PCDHGA8: variants seen among roughly 807,000 people sequenced by gnomAD.
PCDHGA8 encodes the protein protocadherin gamma-A8.
Under a neutral mutation model 59.2 loss-of-function variants are expected in PCDHGA8, and 45 were observed. The ratio of observed to expected loss-of-function variants is 0.76; its 90% CI spans 0.60 to 0.98. The LOEUF (loss-of-function observed/expected upper bound fraction) is 0.98. PCDHGA8 is among the 50% of genes least tolerant of loss of function. PCDHGA8 has a pLI of 0.00. For missense variants in PCDHGA8, 1,257 were observed against 1,196.2 expected (o/e 1.05, Z -0.75); for synonymous variants, 531 against 519.0 (o/e 1.02, Z -0.32).
chr5:141,403,247 A>T, intron 1 of PCDHGA8: 1 of 1,613,910 alleles, frequency 6.2e-7, no homozygotes, highest in Middle Eastern at 1.6e-4. Flanking sequence ...CTGTGCTCAG[A>T]GCCCGCGGTG....
rs758205179 is a variant in PCDHGA8 at position 141,477,813 on chromosome 5, A to G, written c.2425-16994A>G. ...ACTGATCGCAATGACAATGCCCCCC[A>G]GGTCCTATATCCTCGGCCAGGTGGG... On this transcript the variant is annotated intron_variant, in intron 1 of 3. Transcript: ENST00000398604. This position sits in a 1 kb window ranked among gnomAD's most constrained non-coding sequence, Gnocchi z 4.9. The G allele has an allele frequency of 8.1e-6, 13 of 1,614,002 alleles. No homozygotes were observed. The East Asian group carries it at 2.7e-4, about 33-fold the overall frequency.
chr5:141,492,632 C>G (rs1359761285), intron 1 of PCDHGA8, among the ~76,000 whole-genome samples: 1 of 152,256 alleles, frequency 6.6e-6, no homozygotes, highest in Non-Finnish European at 1.5e-5. Flanking sequence ...CAGGACTCTA[C>G]GATCCTTGGG....
At chr5:141,459,375 C>T (rs973503237) in intron 1 of PCDHGA8, among the ~76,000 whole-genome samples, 2 of 152,194 alleles carry the variant, frequency 1.3e-5, no homozygotes, top group African/African-American at 4.8e-5. Flanking sequence ...GTATCAGCAG[C>T]GTGTTCCATT....
In PCDHGA8 at chr5:141,476,336, C is replaced by A; in HGVS notation, c.2425-18471C>A. 18 of 1,614,008 alleles carry A rather than the reference C, an allele frequency of 1.1e-5. No homozygotes were observed. Among genetic ancestry groups the A allele is most frequent in the Non-Finnish European group, 1.5e-5 (18 of 1,180,008 alleles). ...GTTCCGGGTGGTGTCTGGAGCTAGC[C>A]GAAGATTCTTTGAGGTGAACCGGGA... On this transcript the variant is annotated intron_variant, in intron 1 of 3. Coordinates refer to ENST00000398604, the MANE Select transcript of PCDHGA8 (RefSeq NM_032088.2). The surrounding 1 kb of genome is among the most constrained non-coding windows in gnomAD (Gnocchi z 7.6).
chr5:141,401,350 A>G (rs1046893336), intron 1 of PCDHGA8, among the ~76,000 whole-genome samples: 2 of 152,226 alleles, frequency 1.3e-5, no homozygotes, highest in Non-Finnish European at 2.9e-5. Flanking sequence ...CTCAAAAAAA[A>G]GGAAGGAGAA....
intron 1 of PCDHGA8, among the ~76,000 whole-genome samples, chr5:141,439,221 T>G (rs145700274): frequency 1.2e-3 from 182 of 151,852 alleles, no homozygotes; most frequent in African/African-American, 4.3e-3. Flanking sequence ...ATGTGAAAAT[T>G]CTTAGAAGCT....
At chr5:141,409,324 G>C (rs759596277) in intron 1 of PCDHGA8, 1 of 1,614,000 alleles carries the variant, frequency 6.2e-7, no homozygotes, top group East Asian at 2.2e-5. Context: ...CACGGGATCT[G>C]GATTTCGGAG....
In PCDHGA8 at chr5:141,486,649, C is replaced by G; in HGVS notation, c.2425-8158C>G. On this transcript the variant is annotated intron_variant, in intron 1 of 3. Transcript: ENST00000398604. This position sits in a 1 kb window ranked among gnomAD's most constrained non-coding sequence, Gnocchi z 5.0. The stretch of plus-strand genomic sequence containing the variant: ...CTGGCTTGAATGCGCTTATCTCCTA[C>G]TCACTCCTGGAGCCCAGGAATCGAG... The G allele has an allele frequency of 6.2e-7, 1 of 1,613,952 alleles. No individual in the cohort carries two copies. The highest frequency in any genetic ancestry group is 8.5e-7 in the Non-Finnish European group (1 of 1,180,034).
chr5:141,408,230 C>G (rs1470965375), intron 1 of PCDHGA8: 1 of 1,566,168 alleles, frequency 6.4e-7, no homozygotes, highest in Non-Finnish European at 8.7e-7. Flanking sequence ...GCAGAGGCGC[C>G]GGGCCGGCCC....
rs2099883798 is a variant in PCDHGA8, at chr5:141,511,451, AT to A, written c.*281del. On this transcript the variant is annotated 3_prime_UTR_variant, in exon 4 of 4. Transcript: ENST00000398604. ...GGGGTTACTGTAGACACCAAGAACC[AT>A]TTGCCACACCCCGTTTAGTTACAGC... The A allele has an allele frequency of 3.3e-6, 2 of 606,372 alleles. No individual in the cohort carries two copies. Among genetic ancestry groups the A allele is most frequent in the African/African-American group, 1.9e-5 (1 of 53,734 alleles). 37.6% of individuals were successfully genotyped at this position (606,372 alleles called of 1,614,324 possible).
Position 141,393,722 on chromosome 5 carries a change from A to T in PCDHGA8, c.909A>T (p.Ile303=). The T allele has an allele frequency of 6.2e-7, 1 of 1,613,892 alleles. No individual in the cohort carries two copies. Among genetic ancestry groups the T allele is most frequent in the Non-Finnish European group, 8.5e-7 (1 of 1,179,892 alleles). The change falls in exon 1 of 4, where the codon ATA becomes ATT. Residue 303 remains isoleucine, a synonymous_variant. Coordinates refer to ENST00000398604, the MANE Select transcript of PCDHGA8 (RefSeq NM_032088.2). ...ATGAAAATACTGGGGAAATATCAAT[A>T]GCAAAAAGTCTAGATTATGAAGAAT... is the stretch of plus-strand genomic sequence containing the variant. ...QLNENTGEIS[I]AKSLDYEECS...
chr5:141,399,618 G>A, intron 1 of PCDHGA8: 1 of 1,613,914 alleles, frequency 6.2e-7, no homozygotes, highest in Non-Finnish European at 8.5e-7. Context: ...CTCTGGCACT[G>A]GCCTCTTACG....
chr5:141,444,008 A>G (rs2098413646), intron 1 of PCDHGA8, among the ~76,000 whole-genome samples: 2 of 152,140 alleles, frequency 1.3e-5, no homozygotes, highest in Non-Finnish European at 2.9e-5. Context: ...CTACCTGGGT[A>G]TTGGCTTCTA....
At chr5:141,414,148 G>C in intron 1 of PCDHGA8, 7 of 1,598,900 alleles carry the variant, frequency 4.4e-6, no homozygotes, top group Non-Finnish European at 6.0e-6. Flanking sequence ...AGAAATACAA[G>C]CAGAAGATGG....
chr5:141,499,122 A>G (rs971741957), intron 2 of PCDHGA8, among the ~76,000 whole-genome samples: 3 of 152,140 alleles, frequency 2.0e-5, no homozygotes, highest in African/African-American at 7.2e-5. Context: ...ATCCCTTCTC[A>G]GGTCATCCTT....
At chr5:141,462,698 G>A (rs2099045237) in intron 1 of PCDHGA8, among the ~76,000 whole-genome samples, 1 of 152,062 alleles carries the variant, frequency 6.6e-6, no homozygotes. Context: ...ATTTATAATG[G>A]AGGTTTTAAA....
Position 141,417,931 on chromosome 5 carries a change from G to C in PCDHGA8, c.2424+22694G>C, listed in dbSNP as rs551432799. The C allele has an allele frequency of 6.2e-6, 10 of 1,611,500 alleles. No homozygotes were observed. In the South Asian group the frequency reaches 9.9e-5, roughly 16 times the overall value. On this transcript the variant is annotated intron_variant, in intron 1 of 3. Transcript: ENST00000398604. ...TACTATTTCCTTTGCTGCTGCCTTT[G>C]TTCTACCCCACGCTGTGTGAGCCGA...
At chr5:141,424,525 A>G (rs1010194490) in intron 1 of PCDHGA8, 2 of 152,196 alleles carry the variant, frequency 1.3e-5, no homozygotes, top group Non-Finnish European at 2.9e-5. Context: ...TAGTAAATCC[A>G]TATATAGAAA....
At chr5:141,508,570 C>T (rs1164806696) in intron 3 of PCDHGA8, among the ~76,000 whole-genome samples, 21 of 152,198 alleles carry the variant, frequency 1.4e-4, no homozygotes. Context: ...GTCACTTGCA[C>T]CCACTCGGGG....
Sources: allele counts gnomAD v4.1 joint callset (sites outside exome capture counted in the v4.1 genomes callset), GRCh38; gene constraint gnomAD v4.1.1; non-coding constraint Gnocchi (gnomAD v3.1); transcripts MANE v1.5; gene names NCBI Gene and HGNC (gene_info 2026-07-23, HGNC 2026-07-21).